The following COMMD9 variants were observed in gnomAD, a reference collection of about 807,000 sequenced individuals.
COMMD9 encodes the protein COMM domain containing 9.
COMMD9 carries 22 observed loss-of-function variants against 23.4 expected under a neutral mutation model. The observed-to-expected ratio is 0.94, with a 90% CI of 0.67 to 1.34. The LOEUF (loss-of-function observed/expected upper bound fraction) is 1.34. Ranked by LOEUF, COMMD9 falls within the 40% of genes most tolerant of loss-of-function variation. The pLI, the probability that COMMD9 is intolerant of heterozygous loss-of-function variation, is 0.00. For missense variants in COMMD9, 231 were observed against 240.2 expected (o/e 0.96, Z 0.25); for synonymous variants, 99 against 97.4 (o/e 1.02, Z -0.10).
chr11:36,281,212 A>G (rs1157753494), intron 1 of COMMD9, among the ~76,000 whole-genome samples: 2 of 152,326 alleles, frequency 1.3e-5, no homozygotes, highest in African/African-American at 2.4e-5. Context: ...AGAGGGGGGA[A>G]AAACGCTACA....
At chr11:36,281,178 G>A (rs1474811746) in intron 1 of COMMD9, among the ~76,000 whole-genome samples, 1 of 152,090 alleles carries the variant, frequency 6.6e-6, no homozygotes, top group African/African-American at 2.4e-5. Context: ...GAAGAAGAGG[G>A]CAACAGGAAA....
Position 36,280,731 on chromosome 11 carries a change from G to A in COMMD9, c.158C>T (p.Thr53Ile). 1 of 1,605,790 alleles carries A rather than the reference G, an allele frequency of 6.2e-7. No homozygotes were observed. ...LDVTCSSLSV[T>I]QEEAEELLQA... is the part of the protein sequence containing the mutation. ...ACTTACTTCCTCTGCCTCCTCCTGG[G>A]TCACAGACAAGCTGGAACATGTAAC... is the stretch of plus-strand genomic sequence containing the variant. The change falls in exon 2 of 6, where the codon ACC becomes ATC. Residue 53 changes from threonine to isoleucine, a missense_variant. Physicochemically the swap from Thr to Ile is moderately conservative, Grantham distance 89. Transcript: ENST00000263401.
chr11:36,279,711 T>TG (rs1381102717), intron 2 of COMMD9, among the ~76,000 whole-genome samples: 1 of 152,216 alleles, frequency 6.6e-6, no homozygotes, highest in Non-Finnish European at 1.5e-5. Context: ...TAATCTACTT[T>TG]GGGGGGGAAC....
chr11:36,283,188 C>A (rs1856095394), intron 1 of COMMD9, among the ~76,000 whole-genome samples: 1 of 152,184 alleles, frequency 6.6e-6, no homozygotes, highest in Non-Finnish European at 1.5e-5. Context: ...AACACCCTCA[C>A]ACACTCAGAA....
At chr11:36,285,772 A>G (rs1353785701) in intron 1 of COMMD9, among the ~76,000 whole-genome samples, 1 of 152,190 alleles carries the variant, frequency 6.6e-6, no homozygotes, top group Non-Finnish European at 1.5e-5. Flanking sequence ...GTAATCCATC[A>G]CATTAACAAA....
At chr11:36,281,133 A>AT (rs898391558) in intron 1 of COMMD9, among the ~76,000 whole-genome samples, 36 of 151,974 alleles carry the variant, frequency 2.4e-4, no homozygotes, top group African/African-American at 7.3e-4. Flanking sequence ...AGTTCCCTGG[A>AT]TTTTTTTTGC....
rs1199327306 is a variant in COMMD9 at position 36,283,336 on chromosome 11, T to C, written c.52-2499A>G. 2.0e-5 allele frequency among the ~76,000 whole-genome samples: 3 copies of C among 152,368 alleles called. No homozygotes were observed. The East Asian group carries it at 5.8e-4, about 29-fold the overall frequency. On this transcript the variant is annotated intron_variant, in intron 1 of 5. Coordinates refer to ENST00000263401, the MANE Select transcript of COMMD9 (RefSeq NM_014186.4). ...GCTCTCTTTCTTTTCTTGAGTTTTCTATTATGTTTGAAGGCTGAAGCAAAA... is the reference window on the plus strand; with the variant it reads ...GCTCTCTTTCTTTTCTTGAGTTTTCCATTATGTTTGAAGGCTGAAGCAAAA...
chr11:36,289,413 C>G lies in COMMD9; in HGVS notation c.-1G>C. 1 of 1,551,954 alleles carries G rather than the reference C, an allele frequency of 6.4e-7. No homozygotes were observed. Among genetic ancestry groups the G allele is most frequent in the Non-Finnish European group, 8.7e-7 (1 of 1,147,134 alleles). On this transcript the variant is annotated 5_prime_UTR_variant, in exon 1 of 6. Transcript: ENST00000263401. ...AATGCTCCGCTGTCAGGGCAGCCAT[C>G]TTGCCGAAGTCACATGACCGTGGCA...
chr11:36,278,425 A>G, intron 3 of COMMD9, 52 bp downstream of exon 3: 1 of 1,516,956 alleles, frequency 6.6e-7, no homozygotes, highest in Non-Finnish European at 9.1e-7. Context: ...TGAGAATAAA[A>G]ATAATAAGAA....
chr11:36,272,939 C>T lies in COMMD9; in HGVS notation c.*1693G>A, dbSNP rs1014254140. On this transcript the variant is annotated 3_prime_UTR_variant, in exon 6 of 6. Coordinates refer to ENST00000263401, the MANE Select transcript of COMMD9 (RefSeq NM_014186.4). ...GAGGATGATAATACTAATTCTCACA[C>T]CAACTCTGTTATAGTAGATGAGACA... is the stretch of plus-strand genomic sequence containing the variant. The T allele has an allele frequency of 6.6e-6, 1 of 152,194 alleles. No homozygotes were observed. Among genetic ancestry groups the T allele is most frequent in the Non-Finnish European group, 1.5e-5 (1 of 68,038 alleles). The allele number at this position is 152,194 out of a possible 1,614,324, so 9.4% of individuals were successfully genotyped here.
chr11:36,282,182 A>G (rs1856077465), intron 1 of COMMD9, among the ~76,000 whole-genome samples: 4 of 152,150 alleles, frequency 2.6e-5, no homozygotes, highest in Admixed American at 2.6e-4. Context: ...TAACATTTGT[A>G]TCATTGGAGT....
Position 36,289,293 on chromosome 11 carries a change from A to T in COMMD9, c.51+69T>A, listed in dbSNP as rs376096140. 129 of 1,462,236 alleles carry T rather than the reference A, an allele frequency of 8.8e-5. No individual in the cohort carries two copies. The African/African-American group carries it at 1.4e-3, about 16-fold the overall frequency. The allele number at this position is 1,462,236 out of a possible 1,614,324, so 90.6% of individuals were successfully genotyped here. A position where few individuals can be genotyped will look rare whatever the true frequency, so the allele number is the denominator to read the frequency against. On this transcript the variant is annotated intron_variant, in intron 1 of 5. Transcript: ENST00000263401. ...TCCAAACCAGGGTCAATTTGTTCCC[A>T]ATTCCTGCTCCGTCTAAAGTCTCGG...
At chr11:36,278,824 A>G (rs889122016) in intron 2 of COMMD9, among the ~76,000 whole-genome samples, 1 of 152,234 alleles carries the variant, frequency 6.6e-6, no homozygotes, top group Non-Finnish European at 1.5e-5. Context: ...TTTAGAAGAC[A>G]GATGCAGCTC....
chr11:36,279,638 T>C (rs187140961), intron 2 of COMMD9, among the ~76,000 whole-genome samples: 1 of 152,364 alleles, frequency 6.6e-6, no homozygotes, highest in Admixed American at 6.5e-5. Context: ...TCCTCTTTCA[T>C]TGACTTGCCT....
Position 36,282,413 on chromosome 11 carries a change from C to A in COMMD9, c.52-1576G>T, listed in dbSNP as rs192858685. On this transcript the variant is annotated intron_variant, in intron 1 of 5. Transcript: ENST00000263401. ...ATATTTAAAGCAGAGAAAAATGACA[C>A]CTTACCTATTTAAAAAAAACAATTA... Among the ~76,000 whole-genome samples, 86 of 151,852 alleles carry A rather than the reference C, an allele frequency of 5.7e-4. 1 individual carries two copies. The highest frequency in any genetic ancestry group is 2.0e-3 in the African/African-American group (83 of 41,410).
intron 5 of COMMD9, 151 bp downstream of exon 5, chr11:36,275,986 C>T (rs994450603): frequency 3.2e-6 from 2 of 615,482 alleles, no homozygotes; most frequent in Non-Finnish European, 5.9e-6. Context: ...TGCAGTAGTA[C>T]ACATACACGT....
At chr11:36,287,760 T>C (rs1325830073) in intron 1 of COMMD9, among the ~76,000 whole-genome samples, 1 of 151,970 alleles carries the variant, frequency 6.6e-6, no homozygotes, top group Non-Finnish European at 1.5e-5. Context: ...ACATGGGCAA[T>C]ATTAAATGAA....
At chr11:36,282,026 G>C (rs1008816912) in intron 1 of COMMD9, among the ~76,000 whole-genome samples, 2 of 152,058 alleles carry the variant, frequency 1.3e-5, no homozygotes, top group Non-Finnish European at 1.5e-5. Context: ...TCAGTAGATG[G>C]GCTCAGCACC....
chr11:36,275,558 C>T (rs1337060820), intron 5 of COMMD9, among the ~76,000 whole-genome samples: 1 of 152,018 alleles, frequency 6.6e-6, no homozygotes, highest in African/African-American at 2.4e-5. Context: ...ATTCTCCTCC[C>T]TCAGCCTCCT....
Sources: allele counts gnomAD v4.1 joint callset (sites outside exome capture counted in the v4.1 genomes callset), GRCh38; gene constraint gnomAD v4.1.1; transcripts MANE v1.5; gene names NCBI Gene and HGNC (gene_info 2026-07-23, HGNC 2026-07-21).